The following CFAP95 variants were observed in gnomAD, a reference collection of about 807,000 sequenced individuals.
The protein encoded by CFAP95 is cilia- and flagella-associated protein 95.
chr9:69,892,449 C>G, the CFAP95 span, among the ~76,000 whole-genome samples: 1 of 152,096 alleles, frequency 6.6e-6, no homozygotes, highest in African/African-American at 2.4e-5. Flanking sequence ...CATTAGGAGC[C>G]CTTTATTGTT....
At chr9:69,860,414 C>A in the CFAP95 span, among the ~76,000 whole-genome samples, 1 of 152,034 alleles carries the variant, frequency 6.6e-6, no homozygotes, top group Non-Finnish European at 1.5e-5. Context: ...AGGAGGGCAC[C>A]AAGCCACTCA....
chr9:69,887,155 G>C, the CFAP95 span, among the ~76,000 whole-genome samples: 2 of 152,060 alleles, frequency 1.3e-5, no homozygotes, highest in Non-Finnish European at 2.9e-5. Flanking sequence ...TTGTTTACTT[G>C]TCCCCTCCCT....
At chr9:69,822,368 C>T in the CFAP95 span, among the ~76,000 whole-genome samples, 193 of 152,346 alleles carry the variant, frequency 1.3e-3, 1 homozygote, top group Non-Finnish European at 2.2e-3. Flanking sequence ...CCCTGCTTTC[C>T]AACAAGTTTA....
At chr9:69,874,016 C>T in the CFAP95 span, among the ~76,000 whole-genome samples, 1 of 152,160 alleles carries the variant, frequency 6.6e-6, no homozygotes, top group Non-Finnish European at 1.5e-5. Flanking sequence ...ATAACTACAA[C>T]TGTTAAAGAC....
At chr9:69,867,193 G>C in the CFAP95 span, among the ~76,000 whole-genome samples, 1 of 152,032 alleles carries the variant, frequency 6.6e-6, no homozygotes, top group African/African-American at 2.4e-5. Flanking sequence ...TTTAATGGCG[G>C]GTAACAATAA....
the CFAP95 span, among the ~76,000 whole-genome samples, chr9:69,861,151 C>T: frequency 2.1e-3 from 319 of 152,262 alleles, 2 homozygotes; most frequent in African/African-American, 7.2e-3. Context: ...CTAGCATCAC[C>T]ACAAATATGT....
chr9:69,905,930 T>C, the CFAP95 span: 2 of 1,469,226 alleles, frequency 1.4e-6, no homozygotes, highest in South Asian at 3.0e-5. Context: ...TTATTAAATA[T>C]TATTTCTCTT....
chr9:69,897,592 A>ATAGGT, the CFAP95 span, among the ~76,000 whole-genome samples: 8 of 152,216 alleles, frequency 5.3e-5, no homozygotes, highest in Non-Finnish European at 1.0e-4. Context: ...GAGTAGAACC[A>ATAGGT]AGGAATAGCC....
chr9:69,873,692 A>G, the CFAP95 span, among the ~76,000 whole-genome samples: 2 of 152,304 alleles, frequency 1.3e-5, no homozygotes, highest in Admixed American at 6.5e-5. Flanking sequence ...GACCCGTCTG[A>G]TTTGGTGAAT....
chr9:69,870,521 T>C, the CFAP95 span, among the ~76,000 whole-genome samples: 1 of 152,228 alleles, frequency 6.6e-6, no homozygotes, highest in Admixed American at 6.5e-5. Context: ...GCTTTCATCC[T>C]TGCGATCTCA....
the CFAP95 span, among the ~76,000 whole-genome samples, chr9:69,857,510 C>G: frequency 6.6e-6 from 1 of 152,018 alleles, no homozygotes; most frequent in Admixed American, 6.6e-5. Context: ...AAAAATCTAA[C>G]CCTAAATTAG....
the CFAP95 span, among the ~76,000 whole-genome samples, chr9:69,823,692 G>A: frequency 6.6e-6 from 1 of 152,206 alleles, no homozygotes; most frequent in Non-Finnish European, 1.5e-5. Flanking sequence ...TTTCACCTGG[G>A]TGCAGGCGGG....
At chr9:69,856,165 A>G in the CFAP95 span, among the ~76,000 whole-genome samples, 1 of 152,152 alleles carries the variant, frequency 6.6e-6, no homozygotes, top group Non-Finnish European at 1.5e-5. Flanking sequence ...AGTGAATAAT[A>G]ATGATGATGA....
chr9:69,854,692 G>T, the CFAP95 span, among the ~76,000 whole-genome samples: 1 of 152,242 alleles, frequency 6.6e-6, no homozygotes, highest in African/African-American at 2.4e-5. Flanking sequence ...CTTGCCTTCT[G>T]GCTTTCCACT....
At chr9:69,838,123 T>C in the CFAP95 span, among the ~76,000 whole-genome samples, 1 of 152,218 alleles carries the variant, frequency 6.6e-6, no homozygotes, top group East Asian at 1.9e-4. Context: ...CATGCTGTTT[T>C]GGTGACTGTA....
the CFAP95 span, among the ~76,000 whole-genome samples, chr9:69,876,549 A>G: frequency 6.6e-6 from 1 of 152,110 alleles, no homozygotes; most frequent in Non-Finnish European, 1.5e-5. Flanking sequence ...GAAAAAAAAA[A>G]GAGTTTTAAA....
At chr9:69,845,152 A>G in the CFAP95 span, among the ~76,000 whole-genome samples, 1 of 152,200 alleles carries the variant, frequency 6.6e-6, no homozygotes, top group Non-Finnish European at 1.5e-5. Context: ...TGCTATTAAC[A>G]GTGTCATAAT....
chr9:69,865,498 G>T, the CFAP95 span, among the ~76,000 whole-genome samples: 1 of 152,200 alleles, frequency 6.6e-6, no homozygotes, highest in Non-Finnish European at 1.5e-5. Context: ...CACCTATTCA[G>T]TGTAATTTGA....
the CFAP95 span, among the ~76,000 whole-genome samples, chr9:69,889,537 T>A: frequency 6.6e-6 from 1 of 152,200 alleles, no homozygotes; most frequent in Non-Finnish European, 1.5e-5. Context: ...GTGATTTCAT[T>A]CTCAGCCAAT....
Sources: allele counts gnomAD v4.1 joint callset (sites outside exome capture counted in the v4.1 genomes callset), GRCh38; gene constraint gnomAD v4.1.1; transcripts MANE v1.5; gene names NCBI Gene and HGNC (gene_info 2026-07-23, HGNC 2026-07-21).